The following ACOT7 variants were observed in gnomAD, a reference collection of about 807,000 sequenced individuals.
ACOT7 encodes the protein acyl-CoA thioesterase 7, also known as cytosolic acyl coenzyme A thioester hydrolase.
Under a neutral mutation model 40.2 loss-of-function variants are expected in ACOT7, and 12 were observed. That is an observed-to-expected ratio of 0.30 (90% CI 0.19 to 0.48). ACOT7 has a LOEUF of 0.48. Among genes scored for constraint, ACOT7 ranks in the 20% least tolerant of loss-of-function variants. The pLI is 0.99. For missense variants in ACOT7, 395 were observed against 530.8 expected, an observed-to-expected ratio of 0.74 and a Z score of 2.51; for synonymous variants, 228 against 219.5, an observed-to-expected ratio of 1.04 and a Z score of -0.34.
chr1:6,326,992 A>G (rs1409992933), intron 5 of ACOT7, among the ~76,000 whole-genome samples: 1 of 152,108 alleles, frequency 6.6e-6, no homozygotes, highest in Non-Finnish European at 1.5e-5. Context: ...AGATACAACA[A>G]AAACAAATTC....
intron 3 of ACOT7, among the ~76,000 whole-genome samples, chr1:6,334,964 T>A (rs1641058603): frequency 6.6e-6 from 1 of 152,008 alleles, no homozygotes. Flanking sequence ...GGTGGGTGGA[T>A]CACTTGAGCT....
chr1:6,345,243 G>A (rs572016762), intron 2 of ACOT7, among the ~76,000 whole-genome samples: 3 of 152,204 alleles, frequency 2.0e-5, no homozygotes, highest in East Asian at 1.9e-4. Flanking sequence ...CCTCTGCCAC[G>A]CTCTCAAAAG....
In ACOT7 at chr1:6,355,257, C is replaced by T. The variant is rs556168907; in HGVS notation, c.144-5391G>A. On this transcript the variant is annotated intron_variant, in intron 1 of 8. Coordinates refer to ENST00000361521, the MANE Select transcript of ACOT7 (RefSeq NM_007274.4). This position sits in a 1 kb window ranked among gnomAD's most constrained non-coding sequence, Gnocchi z 5.0. ...GCACCACCCACCCAAACCCCAGATGCACAGGGACACCCTGACCCAGGATTC... is the reference window on the plus strand; with the variant it reads ...GCACCACCCACCCAAACCCCAGATGTACAGGGACACCCTGACCCAGGATTC... 9.2e-5 allele frequency among the ~76,000 whole-genome samples: 14 copies of T among 152,302 alleles called. No individual in the cohort carries two copies. Among genetic ancestry groups the T allele is most frequent in the African/African-American group, 2.9e-4 (12 of 41,572 alleles).
chr1:6,336,496 G>C (rs1480933147), intron 3 of ACOT7, among the ~76,000 whole-genome samples: 1 of 152,178 alleles, frequency 6.6e-6, no homozygotes, highest in Non-Finnish European at 1.5e-5. Context: ...TCGTCTGCCT[G>C]GGCCTGTGCT....
chr1:6,332,031 G>A (rs897578272), intron 4 of ACOT7, among the ~76,000 whole-genome samples: 3 of 152,234 alleles, frequency 2.0e-5, no homozygotes, highest in Non-Finnish European at 2.9e-5. Flanking sequence ...GGCGGGAAGT[G>A]GCCTGCACCC....
At chr1:6,344,763 CAAAAAAAAAA>C (rs58594477) in intron 2 of ACOT7, among the ~76,000 whole-genome samples, 17 of 56,030 alleles carry the variant, frequency 3.0e-4, no homozygotes, top group African/African-American at 5.5e-4. Context: ...GACTCTGTCT[CAAAAAAAAAA>C]AAAAAAAAAA....
chr1:6,268,505 G>A (rs1421754013), intron 8 of ACOT7, among the ~76,000 whole-genome samples: 3 of 152,228 alleles, frequency 2.0e-5, no homozygotes, highest in Admixed American at 6.5e-5. Context: ...AAGAGACGGG[G>A]ACTTGGCTTT....
chr1:6,307,330 C>T (rs190732372), intron 6 of ACOT7, among the ~76,000 whole-genome samples: 85 of 152,360 alleles, frequency 5.6e-4, no homozygotes, highest in African/African-American at 1.2e-3. Flanking sequence ...GTCCTTCCCA[C>T]GCAGGACCTT....
rs1221092430 is a variant in ACOT7, at chr1:6,289,676, C to T, written c.829+5188G>A. On this transcript the variant is annotated intron_variant, in intron 7 of 8. Transcript: ENST00000361521. The surrounding 1 kb of genome is among the most constrained non-coding windows in gnomAD (Gnocchi z 4.6). ...AGCGTGAGCCACTGTGACCAGCCTG[C>T]TTTTTTTGTGTGTGTTTTGTTTTGT... Among the ~76,000 whole-genome samples the T allele has an allele frequency of 6.6e-6, 1 of 151,696 alleles. No homozygotes were observed. The highest frequency in any genetic ancestry group is 1.5e-5 in the Non-Finnish European group (1 of 67,924).
chr1:6,329,696 C>A (rs899789260), intron 4 of ACOT7, among the ~76,000 whole-genome samples: 4 of 152,150 alleles, frequency 2.6e-5, no homozygotes, highest in African/African-American at 9.7e-5. Flanking sequence ...TGGCACCTAA[C>A]TCTCACCCCC....
At chr1:6,268,571 C>G (rs183470053) in intron 8 of ACOT7, among the ~76,000 whole-genome samples, 37 of 152,268 alleles carry the variant, frequency 2.4e-4, no homozygotes, top group Admixed American at 6.5e-4. Context: ...TGCACAGGCG[C>G]GATTTTCCCC....
chr1:6,368,178 T>G (rs997498314), intron 1 of ACOT7, among the ~76,000 whole-genome samples: 1 of 152,084 alleles, frequency 6.6e-6, no homozygotes, highest in African/African-American at 2.4e-5. Context: ...AGTTTGAAGG[T>G]GAGGCTTCAC....
In ACOT7 at chr1:6,299,120, G is replaced by A. The variant is rs536411568; in HGVS notation, c.713-4140C>T. Among the ~76,000 whole-genome samples, 3 of 152,340 alleles carry A rather than the reference G, an allele frequency of 2.0e-5. No homozygotes were observed. Among genetic ancestry groups the A allele is most frequent in the East Asian group, 1.9e-4 (1 of 5,170 alleles). On this transcript the variant is annotated intron_variant, in intron 6 of 8. Coordinates refer to ENST00000361521, the MANE Select transcript of ACOT7 (RefSeq NM_007274.4). The surrounding 1 kb of genome is among the most constrained non-coding windows in gnomAD (Gnocchi z 4.1). ...AGTCCCCATCACCTCCGCCACTGCC[G>A]GCTGGGTGACCTTGGGCAGGCAGGT...
At chr1:6,279,781 C>T (rs2148377101) in intron 8 of ACOT7, among the ~76,000 whole-genome samples, 1 of 152,294 alleles carries the variant, frequency 6.6e-6, no homozygotes, top group South Asian at 2.1e-4. Context: ...CTGGCGCTAC[C>T]ACCACGGGCC....
In ACOT7 at chr1:6,288,795, G is replaced by A. The variant is rs1483013409; in HGVS notation, c.829+6069C>T. Among the ~76,000 whole-genome samples the A allele has an allele frequency of 6.6e-6, 1 of 152,234 alleles. No individual in the cohort carries two copies. Among genetic ancestry groups the A allele is most frequent in the African/African-American group, 2.4e-5 (1 of 41,464 alleles). ...CACGACAAGTGCCCCAAGTTCGTAA[G>A]TTCCTCCTAGGCACACACCCTTCGT... On this transcript the variant is annotated intron_variant, in intron 7 of 8. Transcript: ENST00000361521. This position sits in a 1 kb window ranked among gnomAD's most constrained non-coding sequence, Gnocchi z 4.3.
chr1:6,388,735 CTT>C (rs1487058377), intron 1 of ACOT7, among the ~76,000 whole-genome samples: 6 of 74,338 alleles, frequency 8.1e-5, no homozygotes, highest in Non-Finnish European at 1.4e-4. Context: ...GTGAGACTCT[CTT>C]AAAAAAAAAA....
At position 6,393,331 on chromosome 1, in the gene ACOT7, G is replaced by C. The variant is rs769522153; in HGVS notation, c.69C>G (p.Pro23=). Residue 23 remains proline (P), a synonymous_variant, in exon 1 of 9, where the codon CCC becomes CCG. Coordinates refer to ENST00000361521, the MANE Select transcript of ACOT7 (RefSeq NM_007274.4). ...LPDTCALLQP[P]AASAAAAPSM... is the part of the protein sequence containing the mutation. ...TGGGGGCTGCGGCGGCGGATGCGGC[G>C]GGCGGCTGCAGAAGGGCGCAGGTGT... The C allele has an allele frequency of 8.7e-6, 11 of 1,263,204 alleles. No individual in the cohort carries two copies. Among genetic ancestry groups the C allele is most frequent in the Non-Finnish European group, 1.1e-5 (11 of 1,004,506 alleles). 78.2% of individuals were successfully genotyped at this position (1,263,204 alleles called of 1,614,324 possible).
chr1:6,355,889 C>T lies in ACOT7; in HGVS notation c.144-6023G>A, dbSNP rs959995698. On this transcript the variant is annotated intron_variant, in intron 1 of 8. Transcript: ENST00000361521. The surrounding 1 kb of genome is among the most constrained non-coding windows in gnomAD (Gnocchi z 5.0). Reference sequence around the variant, plus strand: ...GGGAGCCTGGCAGGGAGGGGAGCCGCTCCTGCCCCCTGGCCTCACCTTGAG... The same window carrying T: ...GGGAGCCTGGCAGGGAGGGGAGCCGTTCCTGCCCCCTGGCCTCACCTTGAG... 2.0e-5 allele frequency among the ~76,000 whole-genome samples: 3 copies of T among 152,160 alleles called. No individual in the cohort carries two copies. In the South Asian group the frequency reaches 6.2e-4, roughly 32 times the overall value.
At chr1:6,292,686 G>GTT (rs58177155) in intron 7 of ACOT7, among the ~76,000 whole-genome samples, 4 of 137,054 alleles carry the variant, frequency 2.9e-5, no homozygotes, top group South Asian at 2.3e-4. Flanking sequence ...GTTTTTTTGT[G>GTT]TTTTTTTTTT....
Sources: allele counts gnomAD v4.1 joint callset (sites outside exome capture counted in the v4.1 genomes callset), GRCh38; gene constraint gnomAD v4.1.1; non-coding constraint Gnocchi (gnomAD v3.1); transcripts MANE v1.5; gene names NCBI Gene and HGNC (gene_info 2026-07-23, HGNC 2026-07-21).